The following AKAP6 variants were observed in gnomAD, a reference collection of about 807,000 sequenced individuals.
AKAP6 encodes the protein A-kinase anchoring protein 6.
A neutral mutation model predicts 188.5 loss-of-function variants in AKAP6; 58 were observed. The observed-to-expected ratio is 0.31, with a 90% CI of 0.25 to 0.38. The LOEUF (loss-of-function observed/expected upper bound fraction) is 0.38. AKAP6 is among the 10% of genes least tolerant of loss of function. The pLI is 1.00. For missense variants in AKAP6, 2,710 were observed against 2,740.0 expected (o/e 0.99, Z 0.24); for synonymous variants, 989 against 998.6 (o/e 0.99, Z 0.18).
At chr14:32,665,037 A>G (rs1050254583) in intron 7 of AKAP6, among the ~76,000 whole-genome samples, 6 of 152,056 alleles carry the variant, frequency 3.9e-5, no homozygotes, top group African/African-American at 1.4e-4. Context: ...ATGTGTAGAG[A>G]AAACTTGAAC....
At chr14:32,699,296 A>C (rs1890533445) in intron 9 of AKAP6, among the ~76,000 whole-genome samples, 1 of 152,204 alleles carries the variant, frequency 6.6e-6, no homozygotes, top group Non-Finnish European at 1.5e-5. Context: ...TATCCTGAGT[A>C]CAGCATCTAT....
At chr14:32,674,678 C>G (rs977757940) in intron 7 of AKAP6, among the ~76,000 whole-genome samples, 3 of 152,104 alleles carry the variant, frequency 2.0e-5, no homozygotes, top group Non-Finnish European at 2.9e-5. Flanking sequence ...ATGAAGGGTT[C>G]TGTTTTAAAT....
intron 7 of AKAP6, among the ~76,000 whole-genome samples, chr14:32,643,957 C>A (rs1362824342): frequency 1.3e-5 from 2 of 152,148 alleles, no homozygotes; most frequent in Admixed American, 6.6e-5. Flanking sequence ...TGCCTTTTCC[C>A]CCTATTTCTT....
Position 32,821,622 on chromosome 14 carries a change from G to A in AKAP6, c.3809G>A (p.Gly1270Glu). 1 of 1,613,702 alleles carries A rather than the reference G, an allele frequency of 6.2e-7. No individual in the cohort carries two copies. Among genetic ancestry groups the A allele is most frequent in the Middle Eastern group, 1.7e-4 (1 of 6,056 alleles). The change falls in exon 13 of 14, where the codon GGA becomes GAA. Residue 1270 changes from glycine to glutamate, a missense_variant. Gly to Glu is a moderately conservative substitution (Grantham distance 98, BLOSUM62 -2). Coordinates refer to ENST00000280979, the MANE Select transcript of AKAP6 (RefSeq NM_004274.5). ...GACGAGGAGGCTGATAACCATGGGG[G>A]ATCTCAGTATGCCTCAAATATTACT... The part of the protein sequence containing the change: ...GYDEEADNHG[G>E]SQYASNITAP...
At chr14:32,436,011 G>A (rs935503739) in intron 2 of AKAP6, among the ~76,000 whole-genome samples, 3 of 151,964 alleles carry the variant, frequency 2.0e-5, no homozygotes, top group Non-Finnish European at 2.9e-5. Flanking sequence ...AAGAATAAAC[G>A]GGAACTTGGG....
chr14:32,431,367 G>A (rs187867965), intron 1 of AKAP6, among the ~76,000 whole-genome samples: 18 of 152,178 alleles, frequency 1.2e-4, no homozygotes, highest in Non-Finnish European at 2.6e-4. Context: ...TCTGCCTTTT[G>A]CATTCAGGTG....
chr14:32,383,679 C>T (rs896518216), intron 1 of AKAP6, among the ~76,000 whole-genome samples: 2 of 152,282 alleles, frequency 1.3e-5, no homozygotes, highest in East Asian at 3.9e-4. Flanking sequence ...GGATGGGGAG[C>T]ATACATTTGC....
intron 1 of AKAP6, among the ~76,000 whole-genome samples, chr14:32,333,377 A>G (rs757764145): frequency 2.6e-5 from 4 of 152,292 alleles, no homozygotes; most frequent in South Asian, 4.1e-4. Flanking sequence ...TATTTATTGA[A>G]TATCTCCTAT....
intron 8 of AKAP6, among the ~76,000 whole-genome samples, chr14:32,685,142 TGGTCCCAGCCACCTAGGA>T: frequency 6.6e-6 from 1 of 152,062 alleles, no homozygotes. Context: ...TTTGCATCTA[TGGTCCCAGCCACCTAGGA>T]GGTTGAGGCA....
At position 32,374,237 on chromosome 14, in the gene AKAP6, G is replaced by A. The variant is rs1957653; in HGVS notation, c.-35+44829G>A. Among the ~76,000 whole-genome samples the A allele has an allele frequency of 6.0e-3, 771 of 127,680 alleles. 5 individuals are homozygous for A. The highest frequency in any genetic ancestry group is 0.026 in the African/African-American group (706 of 27,402). 83.8% of individuals were successfully genotyped at this position (127,680 alleles called of 152,430 possible). ...TAGTGCAGTTGGGAAAAACACATAC[G>A]TAAGTATTAATCACAGCTCAACACG... On this transcript the variant is annotated intron_variant, in intron 1 of 13. Coordinates refer to ENST00000280979, the MANE Select transcript of AKAP6 (RefSeq NM_004274.5).
chr14:32,818,501 CTT>C (rs1296856576), intron 12 of AKAP6, among the ~76,000 whole-genome samples: 1 of 150,700 alleles, frequency 6.6e-6, no homozygotes, highest in Non-Finnish European at 1.5e-5. Flanking sequence ...ACAGGGAAAA[CTT>C]GGGTTTTTTT....
intron 9 of AKAP6, among the ~76,000 whole-genome samples, chr14:32,700,456 C>T (rs1403292692): frequency 1.3e-5 from 2 of 152,128 alleles, no homozygotes; most frequent in East Asian, 1.9e-4. Flanking sequence ...GTTCCTTGAA[C>T]GATAGCTTAC....
chr14:32,749,900 T>C (rs1368444593), intron 11 of AKAP6, among the ~76,000 whole-genome samples: 1 of 152,210 alleles, frequency 6.6e-6, no homozygotes, highest in Admixed American at 6.5e-5. Context: ...AGGCTTATAG[T>C]ATATCCTTGC....
chr14:32,344,462 C>T lies in AKAP6; in HGVS notation c.-35+15054C>T, dbSNP rs114540928. ...TAAATACAAAGAGCTATGGGAAGGT[C>T]GATGAGGGTGCAGTTAATTCAGTCA... is the stretch of plus-strand genomic sequence containing the variant. On this transcript the variant is annotated intron_variant, in intron 1 of 13. Coordinates refer to ENST00000280979, the MANE Select transcript of AKAP6 (RefSeq NM_004274.5). Among the ~76,000 whole-genome samples, 561 of 152,206 alleles carry T rather than the reference C, an allele frequency of 3.7e-3. 8 individuals are homozygous for T. The highest frequency in any genetic ancestry group is 0.013 in the African/African-American group (540 of 41,524).
chr14:32,554,137 G>C (rs1411597198), intron 4 of AKAP6, among the ~76,000 whole-genome samples: 1 of 152,226 alleles, frequency 6.6e-6, no homozygotes, highest in South Asian at 2.1e-4. Context: ...AGCCAAATGT[G>C]GCCCAATACC....
At chr14:32,368,479 G>A (rs949224611) in intron 1 of AKAP6, among the ~76,000 whole-genome samples, 28 of 152,168 alleles carry the variant, frequency 1.8e-4, no homozygotes, top group African/African-American at 5.1e-4. Context: ...TACACAGTGC[G>A]AGGACATTTC....
intron 12 of AKAP6, among the ~76,000 whole-genome samples, chr14:32,804,648 A>G (rs2034041230): frequency 6.6e-6 from 1 of 152,192 alleles, no homozygotes; most frequent in African/African-American, 2.4e-5. Context: ...GTTCGAGAGC[A>G]GAGAACCGGT....
intron 7 of AKAP6, among the ~76,000 whole-genome samples, chr14:32,638,165 G>A (rs1197827445): frequency 2.1e-5 from 3 of 142,778 alleles, no homozygotes; most frequent in Non-Finnish European, 4.6e-5. Flanking sequence ...AAGGGCTAGT[G>A]GGGATGTCAA....
intron 12 of AKAP6, among the ~76,000 whole-genome samples, chr14:32,808,017 C>T (rs923126764): frequency 6.6e-6 from 1 of 152,212 alleles, no homozygotes; most frequent in Non-Finnish European, 1.5e-5. Context: ...ATAGAAAAGT[C>T]AACTTTGTCC....
Sources: gnomAD v4.1 joint callset for allele counts (sites outside exome capture counted in the v4.1 genomes callset) on GRCh38, gnomAD v4.1.1 for gene constraint, MANE v1.5 for transcripts, NCBI Gene and HGNC (gene_info 2026-07-23, HGNC 2026-07-21) for gene names.